The following ZNF573 variants were observed in gnomAD, a reference collection of about 807,000 sequenced individuals.
ZNF573 encodes zinc finger protein 573.
Under a neutral mutation model 57.4 loss-of-function variants are expected in ZNF573, and 41 were observed. That is an observed-to-expected ratio of 0.71 (90% CI 0.56 to 0.93). The LOEUF (loss-of-function observed/expected upper bound fraction) is 0.93, where lower values mean the gene tolerates loss of function less well. ZNF573 is among the 40% of genes least tolerant of loss of function. The pLI, the probability that ZNF573 is intolerant of heterozygous loss-of-function variation, is 0.00. For synonymous variants in ZNF573, 249 were observed against 261.0 expected (o/e 0.95, Z 0.44); for missense variants, 730 against 794.8 (o/e 0.92, Z 0.98).
chr19:37,757,337 C>T (rs1459928761), intron 4 of ZNF573, among the ~76,000 whole-genome samples: 1 of 152,080 alleles, frequency 6.6e-6, no homozygotes, highest in Non-Finnish European at 1.5e-5. Flanking sequence ...GCTGAGACTA[C>T]AGGCGCCCGC....
rs2045298134 is a variant in ZNF573 at position 37,739,311 on chromosome 19, C to T, written c.1179G>A (p.Lys393=). The T allele has an allele frequency of 1.2e-6, 2 of 1,613,856 alleles. No individual in the cohort carries two copies. The highest frequency in any genetic ancestry group is 1.7e-6 in the Non-Finnish European group (2 of 1,180,008). Residue 393 remains lysine, a synonymous_variant, in exon 5 of 5, where the codon AAG becomes AAA. Transcript: ENST00000536220. ...AGAGTTTTGAACCAGTAGTATAGGT[C>T]TTCCCACATTGCTTGCATTCAAAAA... is the stretch of plus-strand genomic sequence containing the variant. The part of the protein sequence containing the change: ...EKLFECKQCG[K]TYTTGSKLFQ...
At position 37,769,963 on chromosome 19, in the gene ZNF573, T is replaced by A; in HGVS notation, c.295+42A>T. On this transcript the variant is annotated intron_variant, in intron 4 of 4. Coordinates refer to ENST00000536220, the MANE Select transcript of ZNF573 (RefSeq NM_001172690.2). The stretch of plus-strand genomic sequence containing the variant: ...AAAATGTCTCCTTTCTCTTACCACA[T>A]GGGCTGTGGCCGGCCCTGATGGTGT... 2.0e-6 allele frequency: 3 copies of A among 1,483,936 alleles called. No individual in the cohort carries two copies. In the African/African-American group the frequency reaches 4.2e-5, roughly 21 times the overall value. 91.9% of individuals were successfully genotyped at this position (1,483,936 alleles called of 1,614,324 possible). A position where few individuals can be genotyped will look rare whatever the true frequency, so the allele number is the denominator to read the frequency against.
Position 37,771,585 on chromosome 19 carries a change from A to C in ZNF573, c.181T>G (p.Tyr61Asp). The change falls in exon 3 of 5, where the codon TAT becomes GAT. Residue 61 changes from tyrosine (Y) to aspartate (D), a missense_variant. Transcript: ENST00000536220. ...DLYRDVMLEN[Y>D]RNLVSLGGHS... ...TTACCCAGTGATACCAGGTTTCTAT[A>C]GTTCTCCAACATCACATCCCTGTAT... 3 of 1,609,692 alleles carry C rather than the reference A, an allele frequency of 1.9e-6. No individual in the cohort carries two copies. Among genetic ancestry groups the C allele is most frequent in the South Asian group, 1.1e-5 (1 of 90,668 alleles).
At position 37,738,986 on chromosome 19, in the gene ZNF573, C is replaced by T. The variant is rs143695781; in HGVS notation, c.1504G>A (p.Glu502Lys). 6.2e-7 allele frequency: 1 copy of T among 1,613,462 alleles called. No individual in the cohort carries two copies. The highest frequency in any genetic ancestry group is 1.3e-5 in the African/African-American group (1 of 74,810). ...HTGEKPYKCK[E>K]CGKTFSLHGY... ...TGCAAGCTAAAGGTCTTGCCACATTCCTTACATTTATAGGGTTTCTCACCA... is the reference window on the plus strand; with the variant it reads ...TGCAAGCTAAAGGTCTTGCCACATTTCTTACATTTATAGGGTTTCTCACCA... Residue 502 changes from glutamate (E) to lysine (K), a missense_variant, in exon 5 of 5, where the codon GAA becomes AAA. Glu to Lys is a moderately conservative substitution (Grantham distance 56, BLOSUM62 1). Coordinates refer to ENST00000536220, the MANE Select transcript of ZNF573 (RefSeq NM_001172690.2).
rs117808882 is a variant in ZNF573, at chr19:37,755,966, G to A, written c.295+14039C>T. Reference sequence around the variant, plus strand: ...CTTGTAAGAAAAGCCCACTACTTGGGCTCAACCCTGTGCTCTTTCGCTTAG... The same window carrying A: ...CTTGTAAGAAAAGCCCACTACTTGGACTCAACCCTGTGCTCTTTCGCTTAG... On this transcript the variant is annotated intron_variant, in intron 4 of 4. Transcript: ENST00000536220. 7.8e-3 allele frequency among the ~76,000 whole-genome samples: 1,191 copies of A among 152,268 alleles called. 5 individuals are homozygous for A. Among genetic ancestry groups the A allele is most frequent in the South Asian group, 0.013 (65 of 4,828 alleles).
intron 4 of ZNF573, chr19:37,755,358 T>G (rs1209808717): frequency 6.6e-6 from 1 of 152,196 alleles, no homozygotes; most frequent in Non-Finnish European, 1.5e-5. Flanking sequence ...CAAAGAATAC[T>G]TAAAACATTG....
At chr19:37,759,535 A>G (rs907456193) in intron 4 of ZNF573, among the ~76,000 whole-genome samples, 1 of 152,034 alleles carries the variant, frequency 6.6e-6, no homozygotes, top group Non-Finnish European at 1.5e-5. Flanking sequence ...AGACCATCCT[A>G]GCTAATACAG....
chr19:37,760,905 G>A (rs1193240847), intron 4 of ZNF573, among the ~76,000 whole-genome samples: 1 of 150,846 alleles, frequency 6.6e-6, no homozygotes, highest in African/African-American at 2.4e-5. Flanking sequence ...CATTAAAGAT[G>A]TGTACAAGCA....
At chr19:37,745,477 C>T (rs993178602) in intron 4 of ZNF573, among the ~76,000 whole-genome samples, 8 of 152,136 alleles carry the variant, frequency 5.3e-5, no homozygotes, top group African/African-American at 1.9e-4. Context: ...AGCTCTGCAA[C>T]CTCTGCCTCC....
intron 4 of ZNF573, among the ~76,000 whole-genome samples, chr19:37,750,831 C>CAAAAAAAA (rs537735677): frequency 1.0e-5 from 1 of 98,226 alleles, no homozygotes. Flanking sequence ...GACCCAGTCT[C>CAAAAAAAA]AAAAAAAAAA....
At chr19:37,766,303 AC>A (rs2045601824) in intron 4 of ZNF573, among the ~76,000 whole-genome samples, 1 of 152,206 alleles carries the variant, frequency 6.6e-6, no homozygotes, top group Admixed American at 6.5e-5. Flanking sequence ...ATTCACTCCC[AC>A]ACTCAGCCTT....
At chr19:37,744,745 A>AAAAAAAAAAAAG (rs1242175538) in intron 4 of ZNF573, among the ~76,000 whole-genome samples, 8 of 148,384 alleles carry the variant, frequency 5.4e-5, no homozygotes, top group Admixed American at 3.3e-4. Flanking sequence ...TATCTCAAAA[A>AAAAAAAAAAAAG]AAAAAAAAAA....
chr19:37,744,747 AAAAAAAAAAG>A (rs1222124266), intron 4 of ZNF573, among the ~76,000 whole-genome samples: 3,342 of 149,598 alleles, frequency 0.022, 130 homozygotes, highest in African/African-American at 0.078. Context: ...TCTCAAAAAA[AAAAAAAAAAG>A]AAAAAAAAAA....
intron 1 of ZNF573, among the ~76,000 whole-genome samples, chr19:37,775,521 T>TC (rs1460300000): frequency 2.6e-5 from 4 of 152,112 alleles, no homozygotes; most frequent in African/African-American, 9.7e-5. Context: ...ACTTACCCGT[T>TC]CCTATTTACA....
chr19:37,766,509 T>C (rs1228703685), intron 4 of ZNF573, among the ~76,000 whole-genome samples: 1 of 152,252 alleles, frequency 6.6e-6, no homozygotes, highest in Non-Finnish European at 1.5e-5. Context: ...GTTTGTACTC[T>C]AGAAAATTTT....
intron 4 of ZNF573, among the ~76,000 whole-genome samples, chr19:37,766,810 T>C (rs2045605463): frequency 6.6e-6 from 1 of 152,206 alleles, no homozygotes; most frequent in African/African-American, 2.4e-5. Flanking sequence ...CAGGAAGTTG[T>C]CTTGCAATAA....
intron 4 of ZNF573, among the ~76,000 whole-genome samples, chr19:37,758,296 C>G (rs1315671187): frequency 2.2e-5 from 1 of 46,196 alleles, no homozygotes; most frequent in East Asian, 3.9e-4. Context: ...TTCTGTGGAG[C>G]ACGTTTTTTA....
chr19:37,744,215 G>GAGC (rs2045355778), intron 4 of ZNF573, among the ~76,000 whole-genome samples: 1 of 152,030 alleles, frequency 6.6e-6, no homozygotes, highest in African/African-American at 2.4e-5. Flanking sequence ...CTAGAGAGCA[G>GAGC]AGCAGCTCCC....
At chr19:37,742,460 T>C (rs539464098) in intron 4 of ZNF573, among the ~76,000 whole-genome samples, 2 of 152,306 alleles carry the variant, frequency 1.3e-5, no homozygotes, top group South Asian at 4.1e-4. Context: ...AACAGCATGG[T>C]ACTGGTACCA....
Sources: allele counts gnomAD v4.1 joint callset (sites outside exome capture counted in the v4.1 genomes callset), GRCh38; gene constraint gnomAD v4.1.1; transcripts MANE v1.5; gene names NCBI Gene and HGNC (gene_info 2026-07-23, HGNC 2026-07-21).